The following TNFRSF8 variants were observed in gnomAD, a reference collection of about 807,000 sequenced individuals.
The protein encoded by TNFRSF8 is TNF receptor superfamily member 8, also known as tumor necrosis factor receptor superfamily member 8.
A neutral mutation model predicts 70.8 loss-of-function variants in TNFRSF8; 26 were observed. The ratio of observed to expected loss-of-function variants is 0.37; its 90% CI spans 0.27 to 0.51. The LOEUF is 0.51. TNFRSF8 is among the 20% of genes least tolerant of loss of function. The pLI is 0.94. For missense variants in TNFRSF8, 720 were observed against 807.9 expected (o/e 0.89, Z 1.32); for synonymous variants, 356 against 339.2 (o/e 1.05, Z -0.54).
chr1:12,109,477 C>T lies in TNFRSF8; in HGVS notation c.422-89C>T, dbSNP rs576161864. On this transcript the variant is annotated intron_variant, in intron 4 of 14. Transcript: ENST00000263932. This position sits in a 1 kb window ranked among gnomAD's most constrained non-coding sequence, Gnocchi z 4.4. ...CTGTGTTTTCCAAGGGCCCCATCTC[C>T]GACTCTGGCCTGTGGTAGTGAAGGG... 98 of 1,094,568 alleles carry T rather than the reference C, an allele frequency of 9.0e-5. 1 individual carries two copies. The highest frequency in any genetic ancestry group is 4.0e-4 in the Middle Eastern group (2 of 4,990). The allele number at this position is 1,094,568 out of a possible 1,614,324, so 67.8% of individuals were successfully genotyped here.
chr1:12,095,289 CTT>C (rs758380440), intron 2 of TNFRSF8, among the ~76,000 whole-genome samples: 35 of 143,534 alleles, frequency 2.4e-4, no homozygotes, highest in Non-Finnish European at 2.6e-4. Flanking sequence ...GTTACTGTAT[CTT>C]TTTTTTTTTT....
At chr1:12,079,152 C>T (rs1641019135) in intron 1 of TNFRSF8, among the ~76,000 whole-genome samples, 1 of 152,248 alleles carries the variant, frequency 6.6e-6, no homozygotes, top group Non-Finnish European at 1.5e-5. Flanking sequence ...TATGGTCCGG[C>T]TGAGACCAGG....
Position 12,110,676 on chromosome 1 carries a change from G to A in TNFRSF8, c.676+472G>A, listed in dbSNP as rs985810487. On this transcript the variant is annotated intron_variant, in intron 6 of 14. Coordinates refer to ENST00000263932, the MANE Select transcript of TNFRSF8 (RefSeq NM_001243.5). This position sits in a 1 kb window ranked among gnomAD's most constrained non-coding sequence, Gnocchi z 4.0. ...TGCAGTGGCGCAATCTCGGCTCACT[G>A]CCACCTCCACCTCCTGGGTTCAAGC... Among the ~76,000 whole-genome samples, 3 of 152,096 alleles carry A rather than the reference G, an allele frequency of 2.0e-5. No homozygotes were observed. Among genetic ancestry groups the A allele is most frequent in the Non-Finnish European group, 2.9e-5 (2 of 68,006 alleles).
At position 12,063,591 on chromosome 1, in the gene TNFRSF8, C is replaced by T. The variant is rs1031797781; in HGVS notation, c.-8C>T. 7 of 1,309,650 alleles carry T rather than the reference C, an allele frequency of 5.3e-6. No homozygotes were observed. In the African/African-American group the frequency reaches 6.2e-5, roughly 12 times the overall value. 81.1% of individuals were successfully genotyped at this position (1,309,650 alleles called of 1,614,324 possible). ...GGCCGCCAGGCCACCTCACGTCCGG[C>T]CCCGGGGATGCGCGTCCTCCTCGCC... On this transcript the variant is annotated 5_prime_UTR_variant, in exon 1 of 15. Transcript: ENST00000263932. This position sits in a 1 kb window ranked among gnomAD's most constrained non-coding sequence, Gnocchi z 7.2.
At chr1:12,107,761 G>A (rs1641550327) in intron 4 of TNFRSF8, among the ~76,000 whole-genome samples, 1 of 151,396 alleles carries the variant, frequency 6.6e-6, no homozygotes, top group Admixed American at 6.6e-5. Flanking sequence ...CTCCGGGGTT[G>A]TTGTTTTTTT....
At chr1:12,075,287 T>C (rs1243642317) in intron 1 of TNFRSF8, among the ~76,000 whole-genome samples, 1 of 151,148 alleles carries the variant, frequency 6.6e-6, no homozygotes, top group Non-Finnish European at 1.5e-5. Context: ...GGTCTTGCTA[T>C]GTTGCCCAGG....
rs1054509907 is a variant in TNFRSF8, at chr1:12,112,468, C to T, written c.793+454C>T. Among the ~76,000 whole-genome samples the T allele has an allele frequency of 1.3e-5, 2 of 151,988 alleles. No individual in the cohort carries two copies. Among genetic ancestry groups the T allele is most frequent in the Non-Finnish European group, 2.9e-5 (2 of 67,990 alleles). On this transcript the variant is annotated intron_variant, in intron 7 of 14. Transcript: ENST00000263932. This position sits in a 1 kb window ranked among gnomAD's most constrained non-coding sequence, Gnocchi z 5.3. ...ACGGTGGTGGGATCATAGCTCCCTG[C>T]AGCTGTGACCTCCCAGGATCACATG...
In TNFRSF8 at chr1:12,138,146, G is replaced by GA. The variant is rs148669670; in HGVS notation, c.1336-73dup. ...GGGACTCACTGGGGTCTGTAGAGAT[G>GA]AAAAAAAAAAGGGGCCTCCCAGTTC... On this transcript the variant is annotated intron_variant, in intron 13 of 14. Coordinates refer to ENST00000263932, the MANE Select transcript of TNFRSF8 (RefSeq NM_001243.5). The surrounding 1 kb of genome is among the most constrained non-coding windows in gnomAD (Gnocchi z 5.7). The GA allele has an allele frequency of 0.027, 27,705 of 1,008,566 alleles. 254 individuals carry two copies. The highest frequency in any genetic ancestry group is 0.12 in the African/African-American group (7,197 of 59,948). 62.5% of individuals were successfully genotyped at this position (1,008,566 alleles called of 1,614,324 possible).
chr1:12,084,556 G>A lies in TNFRSF8; in HGVS notation c.151+5G>A, dbSNP rs2100968292. On this transcript the variant is annotated splice_donor_5th_base_variant and intron_variant, in intron 2 of 14. Coordinates refer to ENST00000263932, the MANE Select transcript of TNFRSF8 (RefSeq NM_001243.5). ...GCTGTTACCGCTGCCCCATGGGTGA[G>A]TGGGGGCGTTGGGGGTGGGGAGAAG... 6.2e-7 allele frequency: 1 copy of A among 1,613,662 alleles called. No individual in the cohort carries two copies.
At chr1:12,135,555 C>T (rs755745258) in intron 12 of TNFRSF8, 33 bp from the exon 13 acceptor site, 98 of 1,613,596 alleles carry the variant, frequency 6.1e-5, no homozygotes, top group Non-Finnish European at 8.1e-5. Flanking sequence ...CTGCCAGACT[C>T]CTTGGTGAAG....
rs1641000399 is a variant in TNFRSF8, at chr1:12,078,249, G to A, written c.64-6215G>A. 2.0e-5 allele frequency among the ~76,000 whole-genome samples: 3 copies of A among 152,060 alleles called. No homozygotes were observed. The South Asian group carries it at 6.2e-4, about 32-fold the overall frequency. ...AACTAGTGATAGGTTGGGGGCCAGG[G>A]AGAAGCAAGCATTTCAAAAAGCAGT... On this transcript the variant is annotated intron_variant, in intron 1 of 14. Transcript: ENST00000263932.
At position 12,110,537 on chromosome 1, in the gene TNFRSF8, C is replaced by G. The variant is rs1263709601; in HGVS notation, c.676+333C>G. 1.3e-5 allele frequency among the ~76,000 whole-genome samples: 2 copies of G among 152,220 alleles called. No individual in the cohort carries two copies. Among genetic ancestry groups the G allele is most frequent in the East Asian group, 3.8e-4 (2 of 5,196 alleles). On this transcript the variant is annotated intron_variant, in intron 6 of 14. Coordinates refer to ENST00000263932, the MANE Select transcript of TNFRSF8 (RefSeq NM_001243.5). The surrounding 1 kb of genome is among the most constrained non-coding windows in gnomAD (Gnocchi z 4.0). ...CACTTGCGACTCAGCTGGCCAGCCT[C>G]TGCACGTGTCCATCTGATGCCCTCC... is the stretch of plus-strand genomic sequence containing the variant.
rs764702122 is a variant in TNFRSF8, at chr1:12,109,681, C to T, written c.512+25C>T. On this transcript the variant is annotated intron_variant, in intron 5 of 14. Coordinates refer to ENST00000263932, the MANE Select transcript of TNFRSF8 (RefSeq NM_001243.5). The surrounding 1 kb of genome is among the most constrained non-coding windows in gnomAD (Gnocchi z 4.4). ...GGTGACTCCCTGGCTTTGCCTCCTC[C>T]TCTTCCCCCAAGCTGGCTTTCAGAT... The T allele has an allele frequency of 9.4e-6, 15 of 1,598,182 alleles. No homozygotes were observed. Among genetic ancestry groups the T allele is most frequent in the Non-Finnish European group, 1.2e-5 (14 of 1,166,726 alleles).
Position 12,143,465 on chromosome 1 carries a change from TGAA to T in TNFRSF8, c.*939_*941del, listed in dbSNP as rs980934196. On this transcript the variant is annotated 3_prime_UTR_variant, in exon 15 of 15. Transcript: ENST00000263932. The surrounding 1 kb of genome is among the most constrained non-coding windows in gnomAD (Gnocchi z 4.1). ...GCCCCACCCACTCTGTCCTGGGAAA[TGAA>T]GAAGCATCTTCCTTAGGTCTGCCCT... 1 of 152,302 alleles carries T rather than the reference TGAA, an allele frequency of 6.6e-6. No individual in the cohort carries two copies. Among genetic ancestry groups the T allele is most frequent in the African/African-American group, 2.4e-5 (1 of 41,420 alleles). 9.4% of individuals were successfully genotyped at this position (152,302 alleles called of 1,614,324 possible). A position where few individuals can be genotyped will look rare whatever the true frequency, so the allele number is the denominator to read the frequency against.
chr1:12,142,273 C>G lies in TNFRSF8; in HGVS notation c.1544-14C>G. ...CTCTGGCCTCCCTCGCTCACCCATCCTTTTGCCTTGCAGAGAAAATCTACA... is the reference window on the plus strand; with the variant it reads ...CTCTGGCCTCCCTCGCTCACCCATCGTTTTGCCTTGCAGAGAAAATCTACA... On this transcript the variant is annotated splice_polypyrimidine_tract_variant and intron_variant, in intron 14 of 14. Transcript: ENST00000263932. This position sits in a 1 kb window ranked among gnomAD's most constrained non-coding sequence, Gnocchi z 5.0. 2 of 1,574,936 alleles carry G rather than the reference C, an allele frequency of 1.3e-6. No individual in the cohort carries two copies. Among genetic ancestry groups the G allele is most frequent in the Non-Finnish European group, 1.7e-6 (2 of 1,157,526 alleles).
intron 8 of TNFRSF8, among the ~76,000 whole-genome samples, chr1:12,116,674 A>ATG: frequency 6.6e-6 from 1 of 152,088 alleles, no homozygotes; most frequent in Non-Finnish European, 1.5e-5. Context: ...GGTGGTGGGC[A>ATG]CCGTAGTCCC....
intron 13 of TNFRSF8, among the ~76,000 whole-genome samples, chr1:12,136,419 C>G (rs1642145477): frequency 6.6e-6 from 1 of 152,128 alleles, no homozygotes; most frequent in South Asian, 2.1e-4. Context: ...GAGGCTGAGG[C>G]AGGCGGATCA....
At chr1:12,075,538 A>G (rs953456511) in intron 1 of TNFRSF8, among the ~76,000 whole-genome samples, 1 of 152,162 alleles carries the variant, frequency 6.6e-6, no homozygotes, top group Non-Finnish European at 1.5e-5. Flanking sequence ...AGTTCCCTTA[A>G]ATTGCACTGG....
chr1:12,138,138 G>A lies in TNFRSF8; in HGVS notation c.1336-91G>A. ...CAGAAAGGGGGACTCACTGGGGTCT[G>A]TAGAGATGAAAAAAAAAAGGGGCCT... On this transcript the variant is annotated intron_variant, in intron 13 of 14. Coordinates refer to ENST00000263932, the MANE Select transcript of TNFRSF8 (RefSeq NM_001243.5). This position sits in a 1 kb window ranked among gnomAD's most constrained non-coding sequence, Gnocchi z 5.7. The A allele has an allele frequency of 7.3e-7, 1 of 1,364,578 alleles. No homozygotes were observed. The highest frequency in any genetic ancestry group is 1.0e-6 in the Non-Finnish European group (1 of 998,182). 84.5% of individuals were successfully genotyped at this position (1,364,578 alleles called of 1,614,324 possible).
Sources: gnomAD v4.1 joint callset for allele counts (sites outside exome capture counted in the v4.1 genomes callset) on GRCh38, gnomAD v4.1.1 for gene constraint, Gnocchi (gnomAD v3.1) non-coding constraint, MANE v1.5 for transcripts, NCBI Gene and HGNC (gene_info 2026-07-23, HGNC 2026-07-21) for gene names.